Variants in FRAS1 observed in about 807,000 individuals in gnomAD.
FRAS1 encodes extracellular matrix organizing protein FRAS1.
Under a neutral mutation model 435.2 loss-of-function variants are expected in FRAS1, and 290 were observed. The ratio of observed to expected loss-of-function variants is 0.67; its 90% CI spans 0.61 to 0.73. The LOEUF (loss-of-function observed/expected upper bound fraction) is 0.73. Among genes scored for constraint, FRAS1 ranks in the 30% least tolerant of loss-of-function variants. The probability of loss-of-function intolerance (pLI) is 0.00; values close to 1 mark genes in which losing one functional copy is unlikely to be tolerated. For missense variants in FRAS1, 4,860 were observed against 5,001.5 expected (o/e 0.97, Z 0.85); for synonymous variants, 1,800 against 1,851.0 (o/e 0.97, Z 0.71).
chr4:78,209,582 C>A (rs1001925893), intron 2 of FRAS1, among the ~76,000 whole-genome samples: 4 of 152,134 alleles, frequency 2.6e-5, no homozygotes, highest in African/African-American at 9.7e-5. Context: ...CCTACCCACA[C>A]CTCTGTCAAT....
chr4:78,474,176 G>A (rs1201779628), intron 53 of FRAS1, among the ~76,000 whole-genome samples: 1 of 152,160 alleles, frequency 6.6e-6, no homozygotes, highest in African/African-American at 2.4e-5. Context: ...TATCTGTAGG[G>A]CTAAATGCAT....
intron 42 of FRAS1, 117 bp downstream of exon 42, chr4:78,445,829 G>C: frequency 2.1e-6 from 3 of 1,417,930 alleles, no homozygotes; most frequent in Non-Finnish European, 2.8e-6. Context: ...CTTCAAAATT[G>C]AAGGTCGTTC....
intron 66 of FRAS1, among the ~76,000 whole-genome samples, chr4:78,518,703 C>G (rs138546315): frequency 6.6e-6 from 1 of 152,142 alleles, no homozygotes; most frequent in Non-Finnish European, 1.5e-5. Flanking sequence ...CTTTTCAAAA[C>G]TCTTTCCAAA....
In FRAS1 at chr4:78,237,636, G is replaced by A. The variant is rs1466888918; in HGVS notation, c.216+19G>A. ...TGAGAAGGTACGGTATCCTAATTGT[G>A]TCCTAAATGTATTGGTAAAGTCAGT... On this transcript the variant is annotated intron_variant, in intron 3 of 73. Transcript: ENST00000512123. 7.0e-7 allele frequency: 1 copy of A among 1,427,680 alleles called. No individual in the cohort carries two copies. Among genetic ancestry groups the A allele is most frequent in the Non-Finnish European group, 9.7e-7 (1 of 1,033,586 alleles). 88.4% of individuals were successfully genotyped at this position (1,427,680 alleles called of 1,614,324 possible). A position where few individuals can be genotyped will look rare whatever the true frequency, so the allele number is the denominator to read the frequency against.
At chr4:78,316,379 C>A (rs962802130) in intron 16 of FRAS1, among the ~76,000 whole-genome samples, 1 of 152,206 alleles carries the variant, frequency 6.6e-6, no homozygotes, top group Non-Finnish European at 1.5e-5. Context: ...CACATCCTCA[C>A]GTCTACCTAC....
At chr4:78,182,063 C>T (rs1578171227) in intron 2 of FRAS1, 5 of 1,506,260 alleles carry the variant, frequency 3.3e-6, no homozygotes, top group Non-Finnish European at 3.5e-6. Flanking sequence ...GGCTCGGCGG[C>T]GGGTTCCTCT....
chr4:78,260,981 A>G (rs187111817), intron 6 of FRAS1, among the ~76,000 whole-genome samples: 1 of 152,166 alleles, frequency 6.6e-6, no homozygotes, highest in African/African-American at 2.4e-5. Context: ...GATGGCTTTG[A>G]TTAATCATAT....
intron 44 of FRAS1, among the ~76,000 whole-genome samples, chr4:78,448,749 G>T (rs1718932757): frequency 6.6e-6 from 1 of 152,158 alleles, no homozygotes; most frequent in Admixed American, 6.5e-5. Flanking sequence ...AAACCATCAT[G>T]CATTAAAAGT....
Position 78,539,453 on chromosome 4 carries a change from A to G in FRAS1, c.11445+13A>G. On this transcript the variant is annotated intron_variant, in intron 73 of 73. Coordinates refer to ENST00000512123, the MANE Select transcript of FRAS1 (RefSeq NM_025074.7). ...TGCACTCTATAAGGTGAGTTTGGTG[A>G]GAAGAACAGAAGCTTAAGACCAAGT... The G allele has an allele frequency of 1.3e-6, 2 of 1,581,582 alleles. No homozygotes were observed. The highest frequency in any genetic ancestry group is 1.7e-6 in the Non-Finnish European group (2 of 1,164,808).
intron 14 of FRAS1, among the ~76,000 whole-genome samples, chr4:78,302,317 C>T (rs907312923): frequency 1.8e-4 from 27 of 151,808 alleles, no homozygotes; most frequent in African/African-American, 4.6e-4. Flanking sequence ...AATAAACATA[C>T]GTGTGCATGT....
chr4:78,058,766 C>G (rs909330583), intron 1 of FRAS1, among the ~76,000 whole-genome samples: 19 of 152,336 alleles, frequency 1.2e-4, no homozygotes, highest in African/African-American at 4.1e-4. Context: ...CTGTAAAACC[C>G]CGGAGCCGCA....
chr4:78,485,422 T>TA (rs919445652), intron 58 of FRAS1, among the ~76,000 whole-genome samples: 3 of 152,216 alleles, frequency 2.0e-5, no homozygotes, highest in African/African-American at 7.2e-5. Context: ...AGGAAACTGA[T>TA]ATGTTAAGCA....
At chr4:78,506,397 G>T (rs1010724318) in intron 61 of FRAS1, among the ~76,000 whole-genome samples, 1 of 152,232 alleles carries the variant, frequency 6.6e-6, no homozygotes, top group Non-Finnish European at 1.5e-5. Context: ...GAGCTGTGGT[G>T]GGCTCCCCCC....
At chr4:78,374,338 T>G in intron 25 of FRAS1, 87 bp downstream of exon 25, 1 of 1,326,210 alleles carries the variant, frequency 7.5e-7, no homozygotes, top group South Asian at 1.7e-5. Flanking sequence ...CCAAGAATAC[T>G]TAAATTAGAA....
chr4:78,388,685 A>G (rs573365741), intron 29 of FRAS1, among the ~76,000 whole-genome samples: 3 of 150,376 alleles, frequency 2.0e-5, no homozygotes, highest in Non-Finnish European at 4.4e-5. Context: ...GCATGCACCT[A>G]TAGTCTCCAC....
chr4:78,423,989 A>T (rs551220035), intron 34 of FRAS1, among the ~76,000 whole-genome samples: 5 of 152,340 alleles, frequency 3.3e-5, no homozygotes, highest in Admixed American at 2.6e-4. Context: ...ACATGGTTAC[A>T]GTGTGTAAAT....
At chr4:78,491,086 G>A (rs1437735946) in intron 59 of FRAS1, among the ~76,000 whole-genome samples, 4 of 151,854 alleles carry the variant, frequency 2.6e-5, no homozygotes, top group Admixed American at 6.6e-5. Flanking sequence ...GGACACATAC[G>A]CCCTCTCAAG....
In FRAS1 at chr4:78,445,664, T is replaced by A. The variant is rs371185829; in HGVS notation, c.5808T>A (p.Ser1936Arg). The change falls in exon 42 of 74, where the codon AGT becomes AGA. Residue 1936 changes from serine to arginine, a missense_variant. Physicochemically the swap from Ser to Arg is moderately radical, Grantham distance 110. Transcript: ENST00000512123. ...PTHDIFSFYV[S>R]DGTSRSEIHS... is the part of the protein sequence containing the mutation. ...ATGATATTTTTAGTTTTTATGTGAG[T>A]GATGGAACCAGTCGTTCAGAAATTC... The A allele has an allele frequency of 6.8e-6, 11 of 1,613,804 alleles. No homozygotes were observed. The highest frequency in any genetic ancestry group is 9.3e-6 in the Non-Finnish European group (11 of 1,179,806).
chr4:78,316,511 G>A (rs1375287034), intron 16 of FRAS1, among the ~76,000 whole-genome samples: 5 of 151,722 alleles, frequency 3.3e-5, no homozygotes, highest in South Asian at 2.1e-4. Context: ...CTGCCCCCAC[G>A]TTCTCATCCC....
Sources: allele counts gnomAD v4.1 joint callset (sites outside exome capture counted in the v4.1 genomes callset), GRCh38; gene constraint gnomAD v4.1.1; transcripts MANE v1.5; gene names NCBI Gene and HGNC (gene_info 2026-07-23, HGNC 2026-07-21).